DOK6: variants seen among roughly 807,000 people sequenced by gnomAD.
DOK6 encodes the protein downstream of tyrosine kinase 6.
DOK6 carries 22 observed loss-of-function variants against 44.0 expected under a neutral mutation model. That is an observed-to-expected ratio of 0.50 (90% CI 0.36 to 0.71). The LOEUF is 0.71. DOK6 is among the 30% of genes least tolerant of loss of function. DOK6 has a pLI of 0.00. For synonymous variants in DOK6, 166 were observed against 145.5 expected, an observed-to-expected ratio of 1.14 and a Z score of -1.01; for missense variants, 340 against 416.4, an observed-to-expected ratio of 0.82 and a Z score of 1.60.
chr18:69,653,495 G>T (rs1473670842), intron 3 of DOK6, among the ~76,000 whole-genome samples: 1 of 152,076 alleles, frequency 6.6e-6, no homozygotes, highest in African/African-American at 2.4e-5. Flanking sequence ...GAAGGTGGTG[G>T]CTAAGAGAAC....
intron 2 of DOK6, among the ~76,000 whole-genome samples, chr18:69,574,974 C>T (rs958337448): frequency 3.3e-5 from 5 of 152,032 alleles, no homozygotes; most frequent in Non-Finnish European, 7.4e-5. Flanking sequence ...TGACGTTCTC[C>T]AGGCACAGTC....
At chr18:69,504,355 T>TAA (rs139559786) in intron 1 of DOK6, among the ~76,000 whole-genome samples, 6 of 150,580 alleles carry the variant, frequency 4.0e-5, no homozygotes, top group African/African-American at 1.5e-4. Context: ...CACAGTTCCT[T>TAA]AAAAAAAAAG....
At chr18:69,743,890 G>A (rs1163616173) in intron 6 of DOK6, among the ~76,000 whole-genome samples, 2 of 151,300 alleles carry the variant, frequency 1.3e-5, no homozygotes, top group Non-Finnish European at 2.9e-5. Flanking sequence ...CACCAGAAAA[G>A]CTCTGTATAC....
chr18:69,466,942 T>C (rs73466892), intron 1 of DOK6, among the ~76,000 whole-genome samples: 1,686 of 152,288 alleles, frequency 0.011, 37 homozygotes, highest in African/African-American at 0.039. Context: ...CTTTCTTTCA[T>C]TTTTTGTTTT....
chr18:69,535,179 T>C (rs1017007442), intron 1 of DOK6, among the ~76,000 whole-genome samples: 1 of 152,166 alleles, frequency 6.6e-6, no homozygotes, highest in Non-Finnish European at 1.5e-5. Flanking sequence ...CCGTACGTTG[T>C]GCATGTATCT....
chr18:69,416,210 G>A (rs1978339876), intron 1 of DOK6, among the ~76,000 whole-genome samples: 1 of 150,384 alleles, frequency 6.6e-6, no homozygotes. Context: ...AGGAAGGAAG[G>A]AACGAAGGAA....
intron 5 of DOK6, among the ~76,000 whole-genome samples, chr18:69,702,106 C>T (rs779261735): frequency 8.7e-5 from 13 of 150,062 alleles, no homozygotes; most frequent in Non-Finnish European, 1.8e-4. Context: ...CTGTACTAAC[C>T]CAGAGTTATC....
chr18:69,610,360 A>G lies in DOK6; in HGVS notation c.289+10862A>G, dbSNP rs552250594. Among the ~76,000 whole-genome samples the G allele has an allele frequency of 3.3e-5, 5 of 152,340 alleles. No individual in the cohort carries two copies. In the South Asian group the frequency reaches 1.0e-3, roughly 32 times the overall value. On this transcript the variant is annotated intron_variant, in intron 3 of 7. Coordinates refer to ENST00000382713, the MANE Select transcript of DOK6 (RefSeq NM_152721.6). The stretch of plus-strand genomic sequence containing the variant: ...ATTCTATGAACCTCCTTGGGAATAT[A>G]TCTCATATAAGCATATACACTAATA...
At chr18:69,786,362 ACAAGTCTGAGCTTT>A (rs1455941241) in intron 7 of DOK6, among the ~76,000 whole-genome samples, 1 of 152,226 alleles carries the variant, frequency 6.6e-6, no homozygotes, top group Non-Finnish European at 1.5e-5. Context: ...CCTTTATTTT[ACAAGTCTGAGCTTT>A]CAATGAATGA....
At chr18:69,505,608 C>A (rs1401120883) in intron 1 of DOK6, among the ~76,000 whole-genome samples, 3 of 150,830 alleles carry the variant, frequency 2.0e-5, no homozygotes, top group Non-Finnish European at 2.9e-5. Context: ...AGCGATTCTC[C>A]TGCCTCAGCC....
At chr18:69,700,131 C>T (rs961409454) in intron 5 of DOK6, among the ~76,000 whole-genome samples, 1 of 151,144 alleles carries the variant, frequency 6.6e-6, no homozygotes, top group South Asian at 2.1e-4. Flanking sequence ...TCCAACAACA[C>T]GTGGGAATTT....
chr18:69,678,894 TG>T (rs34667059), intron 4 of DOK6, among the ~76,000 whole-genome samples: 362 of 152,270 alleles, frequency 2.4e-3, no homozygotes, highest in Admixed American at 4.5e-3. Context: ...GAAGAAATTC[TG>T]GGCCAGGCGT....
At chr18:69,751,005 A>C (rs907614006) in intron 6 of DOK6, among the ~76,000 whole-genome samples, 2 of 152,242 alleles carry the variant, frequency 1.3e-5, no homozygotes, top group Non-Finnish European at 2.9e-5. Flanking sequence ...TAAACCAGAC[A>C]CAAAAAGACA....
chr18:69,622,492 T>G (rs1984465486), intron 3 of DOK6, among the ~76,000 whole-genome samples: 1 of 152,214 alleles, frequency 6.6e-6, no homozygotes, highest in Non-Finnish European at 1.5e-5. Flanking sequence ...GCAACAGGAT[T>G]TTTTGTTTAA....
At chr18:69,410,159 C>T (rs1978300001) in intron 1 of DOK6, among the ~76,000 whole-genome samples, 1 of 152,188 alleles carries the variant, frequency 6.6e-6, no homozygotes, top group South Asian at 2.1e-4. Flanking sequence ...CTGTGAAGTC[C>T]ACTCAACACA....
chr18:69,698,217 A>G (rs1986430861), intron 4 of DOK6, among the ~76,000 whole-genome samples, 187 bp from the exon 5 acceptor site: 1 of 152,226 alleles, frequency 6.6e-6, no homozygotes, highest in Non-Finnish European at 1.5e-5. Context: ...GATTCAGAAC[A>G]CTTTAATGAA....
intron 3 of DOK6, among the ~76,000 whole-genome samples, chr18:69,647,814 G>A (rs563235356): frequency 1.3e-5 from 2 of 152,172 alleles, no homozygotes; most frequent in African/African-American, 4.8e-5. Context: ...ATCAGGATGG[G>A]GCAGAGGACA....
intron 7 of DOK6, among the ~76,000 whole-genome samples, chr18:69,835,151 G>C (rs1468383732): frequency 6.6e-6 from 1 of 152,146 alleles, no homozygotes; most frequent in Admixed American, 6.5e-5. Flanking sequence ...AGGACATAAA[G>C]CCTAACCATA....
At chr18:69,647,044 GTCTA>G (rs894133897) in intron 3 of DOK6, among the ~76,000 whole-genome samples, 5 of 58,048 alleles carry the variant, frequency 8.6e-5, no homozygotes, top group African/African-American at 1.3e-4. Context: ...TGTCTATCCT[GTCTA>G]TCTGTCTATC....
Sources: gnomAD v4.1 joint callset for allele counts (sites outside exome capture counted in the v4.1 genomes callset) on GRCh38, gnomAD v4.1.1 for gene constraint, MANE v1.5 for transcripts, NCBI Gene and HGNC (gene_info 2026-07-23, HGNC 2026-07-21) for gene names.